The following CPEB2 variants were observed in gnomAD, a reference collection of about 807,000 sequenced individuals.
CPEB2 encodes the protein cytoplasmic polyadenylation element binding protein 2, also known as cytoplasmic polyadenylation element-binding protein 2.
CPEB2 carries 56 observed loss-of-function variants against 93.6 expected under a neutral mutation model. The observed-to-expected ratio is 0.60, with a 90% CI of 0.48 to 0.75. The LOEUF (loss-of-function observed/expected upper bound fraction) is 0.75. CPEB2 is among the 30% of genes least tolerant of loss of function. The pLI is 0.00. For synonymous variants in CPEB2, 764 were observed against 586.3 expected (o/e 1.30, Z -4.38); for missense variants, 1,579 against 1,395.1 (o/e 1.13, Z -2.10).
rs774995379 is a variant in CPEB2, at chr4:15,052,465, G to A, written c.2252G>A (p.Ser751Asn). Residue 751 changes from serine (S) to asparagine (N), a missense_variant, in exon 7 of 12, where the codon AGT (serine) becomes AAT (asparagine). Transcript: ENST00000538197. The part of the protein sequence containing the change: ...IDDGLLDDGH[S>N]DQVGVLNSPT... ...GATGGCTTGCTTGATGATGGTCACA[G>A]TGATCAAGTTGGAGTTTTAAATTCA... 1.7e-5 allele frequency: 27 copies of A among 1,590,812 alleles called. No homozygotes were observed. In the South Asian group the frequency reaches 2.9e-4, roughly 17 times the overall value.
chr4:15,003,053 C>T lies in CPEB2; in HGVS notation c.380C>T (p.Thr127Met), dbSNP rs1309686489. ...CCCGACCACCACCCCGGCGGCGGCA[C>T]GATCGCGGGTGTGACCCACCTCCTC... ...KLPDHHPGGG[T>M]IAGVTHLLPS... The change falls in exon 1 of 12, where the codon ACG (threonine) becomes ATG (methionine). Residue 127 changes from threonine (T) to methionine (M), a missense_variant. Coordinates refer to ENST00000538197, the MANE Select transcript of CPEB2 (RefSeq NM_001177382.2). 3.3e-6 allele frequency: 5 copies of T among 1,514,882 alleles called. No individual in the cohort carries two copies. Among genetic ancestry groups the T allele is most frequent in the Non-Finnish European group, 4.4e-6 (5 of 1,140,252 alleles). 93.8% of individuals were successfully genotyped at this position (1,514,882 alleles called of 1,614,324 possible).
intron 4 of CPEB2, among the ~76,000 whole-genome samples, chr4:15,027,240 T>TA (rs200526949): frequency 0.016 from 2,437 of 152,306 alleles, 27 homozygotes; most frequent in Non-Finnish European, 0.026. Context: ...ATTAATTGGG[T>TA]AAAAGTCTTA....
intron 1 of CPEB2, 147 bp from the exon 2 acceptor site, chr4:15,007,158 A>G: frequency 3.3e-6 from 2 of 599,814 alleles, no homozygotes; most frequent in Non-Finnish European, 5.2e-6. Flanking sequence ...AAAGATCTCA[A>G]GACTGTTACT....
At chr4:15,025,267 T>C (rs1725326927) in intron 4 of CPEB2, among the ~76,000 whole-genome samples, 1 of 152,154 alleles carries the variant, frequency 6.6e-6, no homozygotes, top group East Asian at 1.9e-4. Flanking sequence ...CAATTACATC[T>C]TATTCTTGTT....
chr4:15,041,106 G>A (rs948414798), intron 6 of CPEB2, among the ~76,000 whole-genome samples: 4 of 151,818 alleles, frequency 2.6e-5, no homozygotes, highest in African/African-American at 9.7e-5. Flanking sequence ...GTTCTTGTGT[G>A]GTATCCTAAG....
At chr4:15,028,533 C>T (rs974291576) in intron 4 of CPEB2, among the ~76,000 whole-genome samples, 1 of 151,840 alleles carries the variant, frequency 6.6e-6, no homozygotes, top group Non-Finnish European at 1.5e-5. Context: ...TAAGTTACTG[C>T]CTTCATGGAT....
At chr4:15,023,894 T>TA (rs1246583499) in intron 4 of CPEB2, among the ~76,000 whole-genome samples, 1 of 152,090 alleles carries the variant, frequency 6.6e-6, no homozygotes, top group Non-Finnish European at 1.5e-5. Context: ...TCCAAAATGA[T>TA]AAGAGCACTT....
intron 5 of CPEB2, among the ~76,000 whole-genome samples, chr4:15,039,083 C>T (rs1335196472): frequency 6.6e-6 from 1 of 152,172 alleles, no homozygotes; most frequent in Non-Finnish European, 1.5e-5. Flanking sequence ...TAAAATAGAT[C>T]TGCCAGACTT....
chr4:15,024,933 AC>A (rs1468777129), intron 4 of CPEB2, among the ~76,000 whole-genome samples: 1 of 151,622 alleles, frequency 6.6e-6, no homozygotes, highest in African/African-American at 2.4e-5. Context: ...TTCAGTAGAG[AC>A]GGGGTTTCAC....
chr4:15,032,370 A>G (rs1223363374), intron 4 of CPEB2, among the ~76,000 whole-genome samples: 2 of 152,220 alleles, frequency 1.3e-5, no homozygotes, highest in Non-Finnish European at 2.9e-5. Context: ...CATCCTTGCT[A>G]TTGGCATTTA....
rs1313071400 is a variant in CPEB2, at chr4:15,052,454, T to G, written c.2241T>G (p.Asp747Glu). 2 of 1,570,188 alleles carry G rather than the reference T, an allele frequency of 1.3e-6. No homozygotes were observed. The highest frequency in any genetic ancestry group is 1.7e-6 in the Non-Finnish European group (2 of 1,153,638). Residue 747 changes from aspartate (D) to glutamate (E), a missense_variant, in exon 7 of 12, where the codon GAT becomes GAG. By Grantham distance (45) the Asp-to-Glu change is conservative (BLOSUM62 2). Coordinates refer to ENST00000538197, the MANE Select transcript of CPEB2 (RefSeq NM_001177382.2). ...SLFPIDDGLL[D>E]DGHSDQVGVL... is the part of the protein sequence containing the mutation. ...TTCCAATAGATGATGGCTTGCTTGA[T>G]GATGGTCACAGTGATCAAGTTGGAG...
intron 6 of CPEB2, among the ~76,000 whole-genome samples, chr4:15,050,456 T>C (rs751692166): frequency 6.6e-6 from 1 of 152,192 alleles, no homozygotes; most frequent in Non-Finnish European, 1.5e-5. Context: ...CAGTTAATAC[T>C]GAAAGAAAAA....
At chr4:15,052,910 A>G (rs1014848453) in intron 7 of CPEB2, among the ~76,000 whole-genome samples, 2 of 152,046 alleles carry the variant, frequency 1.3e-5, no homozygotes, top group African/African-American at 2.4e-5. Context: ...AGCTTTTTGT[A>G]TCACCATAAT....
At chr4:15,052,829 G>T (rs996328701) in intron 7 of CPEB2, among the ~76,000 whole-genome samples, 1 of 151,868 alleles carries the variant, frequency 6.6e-6, no homozygotes, top group African/African-American at 2.4e-5. Flanking sequence ...TTGTAAATAA[G>T]ATTTTCATGA....
chr4:15,057,491 C>T (rs1043769245), intron 8 of CPEB2, among the ~76,000 whole-genome samples: 3 of 152,088 alleles, frequency 2.0e-5, no homozygotes, highest in African/African-American at 7.2e-5. Context: ...TGTACTGGGA[C>T]TAGATTAAAA....
intron 6 of CPEB2, among the ~76,000 whole-genome samples, chr4:15,047,455 G>A (rs751163073): frequency 5.9e-5 from 9 of 151,674 alleles, no homozygotes; most frequent in Admixed American, 1.3e-4. Flanking sequence ...TGTCATTTTC[G>A]GTGTAAAAGT....
intron 5 of CPEB2, among the ~76,000 whole-genome samples, chr4:15,035,339 C>T (rs978868934): frequency 6.6e-6 from 1 of 152,106 alleles, no homozygotes; most frequent in Non-Finnish European, 1.5e-5. Flanking sequence ...CAGCTTACCT[C>T]ACTTCACTTT....
At chr4:15,042,871 T>TA (rs1365422280) in intron 6 of CPEB2, among the ~76,000 whole-genome samples, 1 of 152,104 alleles carries the variant, frequency 6.6e-6, no homozygotes, top group Non-Finnish European at 1.5e-5. Context: ...AAACACCCCC[T>TA]TTTATATAGC....
At chr4:15,044,513 A>G (rs1199723714) in intron 6 of CPEB2, among the ~76,000 whole-genome samples, 1 of 152,188 alleles carries the variant, frequency 6.6e-6, no homozygotes, top group Non-Finnish European at 1.5e-5. Context: ...TTACAAAGAC[A>G]TATAAGGTCA....
Sources: gnomAD v4.1 joint callset for allele counts (sites outside exome capture counted in the v4.1 genomes callset) on GRCh38, gnomAD v4.1.1 for gene constraint, MANE v1.5 for transcripts, NCBI Gene and HGNC (gene_info 2026-07-23, HGNC 2026-07-21) for gene names.